The following RABL3 variants were observed in gnomAD, a reference collection of about 807,000 sequenced individuals.
RABL3 encodes the protein RAB, member of RAS oncogene family like 3.
Under a neutral mutation model 31.8 loss-of-function variants are expected in RABL3, and 31 were observed. The observed-to-expected ratio is 0.97, with a 90% confidence interval of 0.73 to 1.31. The LOEUF is 1.31. Ranked by LOEUF, RABL3 falls within the 40% of genes most tolerant of loss-of-function variation. The probability of loss-of-function intolerance (pLI) is 0.00; values close to 1 mark genes in which losing one functional copy is unlikely to be tolerated. For synonymous variants in RABL3, 97 were observed against 99.9 expected (o/e 0.97, Z 0.18); for missense variants, 263 against 279.6 (o/e 0.94, Z 0.42).
At chr3:120,740,534 T>A (rs914032436) in intron 1 of RABL3, among the ~76,000 whole-genome samples, 2 of 152,212 alleles carry the variant, frequency 1.3e-5, no homozygotes, top group African/African-American at 4.8e-5. Context: ...AGTGCTGGGA[T>A]TATAGGCTAG....
rs1425860610 is a variant in RABL3, at chr3:120,730,786, A to T, written c.48T>A (p.Gly16=). 1.9e-6 allele frequency: 3 copies of T among 1,607,450 alleles called. No homozygotes were observed. Among genetic ancestry groups the T allele is most frequent in the Non-Finnish European group, 2.6e-6 (3 of 1,174,156 alleles). ...RVKVLVLGDS[G]VGKSSLVHLL... ...GATGGACTAACGAAGATTTCCCAAC[A>T]CCTGTAAGAGATACAAGAACTCTAG... The change falls in exon 2 of 8, where the codon GGT becomes GGA. Residue 16 remains glycine, a splice_region_variant and synonymous_variant. Coordinates refer to ENST00000273375, the MANE Select transcript of RABL3 (RefSeq NM_173825.5).
rs1207861242 is a variant in RABL3 at position 120,723,478 on chromosome 3, T to G, written c.138+7218A>C. Among the ~76,000 whole-genome samples, 10 of 152,264 alleles carry G rather than the reference T, an allele frequency of 6.6e-5. No individual in the cohort carries two copies. In the South Asian group the frequency reaches 8.3e-4, roughly 13 times the overall value. On this transcript the variant is annotated intron_variant, in intron 2 of 7. Coordinates refer to ENST00000273375, the MANE Select transcript of RABL3 (RefSeq NM_173825.5). ...CCAGCATCATCCTGATACCAAAGCC[T>G]GGCAGAGACACAACAAAAAAAGAGA...
rs1488976790 is a variant in RABL3 at position 120,687,585 on chromosome 3, G to A, written c.*2238C>T. On this transcript the variant is annotated 3_prime_UTR_variant, in exon 8 of 8. Coordinates refer to ENST00000273375, the MANE Select transcript of RABL3 (RefSeq NM_173825.5). ...TAACTCTAGCTAATAACATTCATTT[G>A]CGCAAAAAGCCTTATTATGCTGCTG... is the stretch of plus-strand genomic sequence containing the variant. The A allele has an allele frequency of 6.6e-6, 1 of 151,996 alleles. No individual in the cohort carries two copies. Among genetic ancestry groups the A allele is most frequent in the Non-Finnish European group, 1.5e-5 (1 of 68,004 alleles). The allele number at this position is 151,996 out of a possible 1,614,324, so 9.4% of individuals were successfully genotyped here.
intron 4 of RABL3, among the ~76,000 whole-genome samples, chr3:120,703,780 A>C (rs1281122386): frequency 6.6e-6 from 1 of 152,138 alleles, no homozygotes; most frequent in Non-Finnish European, 1.5e-5. Flanking sequence ...ACTATAAACA[A>C]CTCTATTGAT....
intron 4 of RABL3, among the ~76,000 whole-genome samples, chr3:120,703,794 C>A (rs1315329931): frequency 1.3e-5 from 2 of 152,066 alleles, no homozygotes; most frequent in African/African-American, 2.4e-5. Flanking sequence ...TATTGATATA[C>A]ATTAAAAAAT....
intron 2 of RABL3, among the ~76,000 whole-genome samples, chr3:120,714,769 C>T (rs1039288999): frequency 4.6e-5 from 7 of 152,174 alleles, no homozygotes; most frequent in African/African-American, 1.7e-4. Flanking sequence ...ATCCCTCTTT[C>T]ATGAAATTCT....
chr3:120,692,261 C>T (rs1170033505), intron 6 of RABL3, among the ~76,000 whole-genome samples: 2 of 151,858 alleles, frequency 1.3e-5, no homozygotes, highest in East Asian at 1.9e-4. Context: ...TGCAGTGGTG[C>T]GATCTCGGCT....
chr3:120,700,081 T>C (rs995864964), intron 4 of RABL3, among the ~76,000 whole-genome samples: 8 of 152,196 alleles, frequency 5.3e-5, no homozygotes, highest in Non-Finnish European at 7.4e-5. Context: ...TAGTTTGCTC[T>C]CTTATTTCTC....
intron 2 of RABL3, among the ~76,000 whole-genome samples, chr3:120,723,321 A>G (rs1559820202): frequency 1.3e-5 from 2 of 152,212 alleles, no homozygotes; most frequent in Admixed American, 1.3e-4. Flanking sequence ...TTACCAAGCA[A>G]AAAAAGTCCA....
intron 2 of RABL3, among the ~76,000 whole-genome samples, chr3:120,726,888 A>C (rs1708828084): frequency 6.6e-6 from 1 of 152,148 alleles, no homozygotes; most frequent in South Asian, 2.1e-4. Flanking sequence ...TCAATCATTA[A>C]AAGATAATAA....
intron 1 of RABL3, among the ~76,000 whole-genome samples, chr3:120,735,414 G>A (rs914022433): frequency 1.3e-4 from 19 of 149,456 alleles, no homozygotes; most frequent in African/African-American, 2.2e-4. Context: ...TTTTTATTGC[G>A]TCTGTTTGAT....
At chr3:120,726,125 C>A (rs899595627) in intron 2 of RABL3, among the ~76,000 whole-genome samples, 1 of 152,008 alleles carries the variant, frequency 6.6e-6, no homozygotes, top group Non-Finnish European at 1.5e-5. Context: ...CTACTCAACA[C>A]CTCTGGGTAA....
intron 1 of RABL3, among the ~76,000 whole-genome samples, chr3:120,737,741 A>G (rs909836221): frequency 6.6e-6 from 1 of 152,202 alleles, no homozygotes; most frequent in East Asian, 1.9e-4. Context: ...TCCTTCTAAC[A>G]GTCAGGACCC....
intron 4 of RABL3, among the ~76,000 whole-genome samples, chr3:120,701,291 A>G (rs946473960): frequency 6.6e-6 from 1 of 152,138 alleles, no homozygotes; most frequent in Non-Finnish European, 1.5e-5. Context: ...TTATTCAATG[A>G]ATCTTTCGTT....
At position 120,712,896 on chromosome 3, in the gene RABL3, G is replaced by C. The variant is rs1039168869; in HGVS notation, c.139-2987C>G. On this transcript the variant is annotated intron_variant, in intron 2 of 7. Transcript: ENST00000273375. Reference sequence around the variant, plus strand: ...CAAACTAAATCAAAGCCAATAGGAAGTTTGTTAAAAAATACAGATTCCTGG... The same window carrying C: ...CAAACTAAATCAAAGCCAATAGGAACTTTGTTAAAAAATACAGATTCCTGG... Among the ~76,000 whole-genome samples the C allele has an allele frequency of 1.7e-4, 26 of 151,976 alleles. 2 individuals are homozygous for C. The highest frequency in any genetic ancestry group is 1.2e-3 in the Admixed American group (19 of 15,290).
At chr3:120,736,970 T>C (rs1016008768) in intron 1 of RABL3, among the ~76,000 whole-genome samples, 4 of 152,246 alleles carry the variant, frequency 2.6e-5, no homozygotes, top group African/African-American at 9.6e-5. Context: ...TTTTCCTTCA[T>C]TTCAACTTTG....
intron 1 of RABL3, among the ~76,000 whole-genome samples, chr3:120,731,593 C>T (rs1230410760): frequency 6.6e-6 from 1 of 152,176 alleles, no homozygotes; most frequent in African/African-American, 2.4e-5. Context: ...TGGAGTCACT[C>T]ATTCATTTAA....
At chr3:120,700,229 G>A (rs1708479089) in intron 4 of RABL3, among the ~76,000 whole-genome samples, 1 of 152,066 alleles carries the variant, frequency 6.6e-6, no homozygotes. Flanking sequence ...ACATCACAAA[G>A]AGACACACAG....
intron 2 of RABL3, among the ~76,000 whole-genome samples, chr3:120,715,590 G>T (rs926617398): frequency 6.6e-6 from 1 of 151,836 alleles, no homozygotes; most frequent in African/African-American, 2.4e-5. Context: ...TGTCCAATAC[G>T]GTAACCATTA....
Sources: gnomAD v4.1 joint callset for allele counts (sites outside exome capture counted in the v4.1 genomes callset) on GRCh38, gnomAD v4.1.1 for gene constraint, MANE v1.5 for transcripts, NCBI Gene and HGNC (gene_info 2026-07-23, HGNC 2026-07-21) for gene names.